LRP8: variants seen among roughly 807,000 people sequenced by gnomAD.
LRP8 encodes low-density lipoprotein receptor-related protein 8.
LRP8 carries 46 observed loss-of-function variants against 111.6 expected under a neutral mutation model. That is an observed-to-expected ratio of 0.41 (90% CI 0.33 to 0.53). The LOEUF (loss-of-function observed/expected upper bound fraction) is 0.53, where lower values mean the gene tolerates loss of function less well. Among genes scored for constraint, LRP8 ranks in the 20% least tolerant of loss-of-function variants. LRP8 has a pLI of 0.20. For missense variants in LRP8, 959 were observed against 1,297.4 expected, an observed-to-expected ratio of 0.74 and a Z score of 4.01; for synonymous variants, 464 against 511.2, an observed-to-expected ratio of 0.91 and a Z score of 1.24.
At chr1:53,272,867 T>C (rs1277450666) in intron 6 of LRP8, among the ~76,000 whole-genome samples, 1 of 152,198 alleles carries the variant, frequency 6.6e-6, no homozygotes, top group Non-Finnish European at 1.5e-5. Context: ...ACTGCCCCCA[T>C]CATGCATCCA....
intron 3 of LRP8, among the ~76,000 whole-genome samples, chr1:53,281,086 C>G (rs1647092077): frequency 1.3e-5 from 2 of 152,330 alleles, no homozygotes; most frequent in African/African-American, 2.4e-5. Context: ...CATTTCCCAG[C>G]TGTGTGCCCT....
In LRP8 at chr1:53,303,962, C is replaced by G. The variant is rs1475614147; in HGVS notation, c.245-14273G>C. 6.6e-6 allele frequency among the ~76,000 whole-genome samples: 1 copy of G among 152,128 alleles called. No homozygotes were observed. ...TTTTTCACCCCTCCTTGTTCTTTGG[C>G]TCGGTCAGAAAGACTCCCAGGGAAG... On this transcript the variant is annotated intron_variant, in intron 2 of 18. Transcript: ENST00000306052. The surrounding 1 kb of genome is among the most constrained non-coding windows in gnomAD (Gnocchi z 4.3).
At position 53,326,864 on chromosome 1, in the gene LRP8, G is replaced by A. The variant is rs368936646; in HGVS notation, c.244+9C>T. The stretch of plus-strand genomic sequence containing the variant: ...TCCCCGGGTCTGAGCTCCCTGGCCC[G>A]CCACTCACGGCAGTCGTCCTCGTCG... On this transcript the variant is annotated intron_variant, in intron 2 of 18. Transcript: ENST00000306052. The A allele has an allele frequency of 6.2e-7, 1 of 1,611,050 alleles. No homozygotes were observed. Among genetic ancestry groups the A allele is most frequent in the Non-Finnish European group, 8.5e-7 (1 of 1,178,906 alleles).
At chr1:53,257,730 A>G (rs1646156050) in intron 14 of LRP8, among the ~76,000 whole-genome samples, 1 of 152,236 alleles carries the variant, frequency 6.6e-6, no homozygotes, top group Non-Finnish European at 1.5e-5. Flanking sequence ...GGGAGGGGAA[A>G]TCAGATAAAT....
At position 53,293,400 on chromosome 1, in the gene LRP8, G is replaced by A. The variant is rs958825; in HGVS notation, c.245-3711C>T. Among the ~76,000 whole-genome samples, 48,046 of 152,208 alleles carry A rather than the reference G, an allele frequency of 0.32. 9,221 individuals are homozygous for A. The highest frequency in any genetic ancestry group is 0.58 in the East Asian group (3,002 of 5,180). On this transcript the variant is annotated intron_variant, in intron 2 of 18. Transcript: ENST00000306052. The surrounding 1 kb of genome is among the most constrained non-coding windows in gnomAD (Gnocchi z 4.9). ...GACCAGCTTGGAGATTTTCCACTCT[G>A]GCTCTGGCCTGGCACCTTTCACCCA...
In LRP8 at chr1:53,279,446, A is replaced by G. The variant is rs570616730; in HGVS notation, c.496+1141T>C. On this transcript the variant is annotated intron_variant, in intron 4 of 18. Transcript: ENST00000306052. The surrounding 1 kb of genome is among the most constrained non-coding windows in gnomAD (Gnocchi z 4.4). ...TTGGTAAAGAGGAAAGAGGATTCTCATTGGCCAGTGAGTCCCAGCAAAATT... is the reference window on the plus strand; with the variant it reads ...TTGGTAAAGAGGAAAGAGGATTCTCGTTGGCCAGTGAGTCCCAGCAAAATT... Among the ~76,000 whole-genome samples, 48 of 152,172 alleles carry G rather than the reference A, an allele frequency of 3.2e-4. No individual in the cohort carries two copies. The highest frequency in any genetic ancestry group is 6.2e-4 in the Non-Finnish European group (42 of 68,018).
At chr1:53,247,304 A>T (rs780452397) in intron 18 of LRP8, among the ~76,000 whole-genome samples, 4 of 152,198 alleles carry the variant, frequency 2.6e-5, no homozygotes, top group Admixed American at 6.5e-5. Context: ...GTCTGTATGA[A>T]TCCAAAGCTG....
At position 53,262,899 on chromosome 1, in the gene LRP8, G is replaced by A. The variant is rs1646398735; in HGVS notation, c.1656-335C>T. Among the ~76,000 whole-genome samples, 1 of 152,144 alleles carries A rather than the reference G, an allele frequency of 6.6e-6. No individual in the cohort carries two copies. Among genetic ancestry groups the A allele is most frequent in the Admixed American group, 6.5e-5 (1 of 15,276 alleles). On this transcript the variant is annotated intron_variant, in intron 10 of 18. Transcript: ENST00000306052. The surrounding 1 kb of genome is among the most constrained non-coding windows in gnomAD (Gnocchi z 4.8). ...GGCCCTAGTAAGCCCTCTCTTTTCT[G>A]GTTTCAGAGGAGAAAGTGGATGAGC...
Position 53,294,442 on chromosome 1 carries a change from G to A in LRP8, c.245-4753C>T, listed in dbSNP as rs1164469953. ...GACAGTCCATGGTCTATCAAACTGC[G>A]CCCTGCCACTTGTAGGCTATGTGAC... On this transcript the variant is annotated intron_variant, in intron 2 of 18. Coordinates refer to ENST00000306052, the MANE Select transcript of LRP8 (RefSeq NM_004631.5). The surrounding 1 kb of genome is among the most constrained non-coding windows in gnomAD (Gnocchi z 4.1). Among the ~76,000 whole-genome samples the A allele has an allele frequency of 1.3e-5, 2 of 152,200 alleles. No individual in the cohort carries two copies. The highest frequency in any genetic ancestry group is 6.5e-5 in the Admixed American group (1 of 15,282).
Position 53,244,951 on chromosome 1 carries a change from C to T in LRP8, c.*2067G>A, listed in dbSNP as rs1398177961. On this transcript the variant is annotated 3_prime_UTR_variant, in exon 19 of 19. Transcript: ENST00000306052. ...TCTTAAAATTCTGTTTGGTATTGGTCATTCTAGGTCAACTGCATTTACCCT... is the reference window on the plus strand; with the variant it reads ...TCTTAAAATTCTGTTTGGTATTGGTTATTCTAGGTCAACTGCATTTACCCT... The T allele has an allele frequency of 1.3e-5, 2 of 152,170 alleles. No individual in the cohort carries two copies. The highest frequency in any genetic ancestry group is 2.9e-5 in the Non-Finnish European group (2 of 68,030). 9.4% of individuals were successfully genotyped at this position (152,170 alleles called of 1,614,324 possible).
intron 2 of LRP8, among the ~76,000 whole-genome samples, chr1:53,316,597 C>T (rs796638633): frequency 2.6e-4 from 40 of 152,334 alleles, no homozygotes; most frequent in African/African-American, 9.4e-4. Flanking sequence ...GCACCCTGTA[C>T]CTGGGGCCTG....
intron 2 of LRP8, among the ~76,000 whole-genome samples, chr1:53,318,063 G>T (rs887508923): frequency 6.6e-6 from 1 of 152,232 alleles, no homozygotes; most frequent in Non-Finnish European, 1.5e-5. Context: ...GCTGGGGGCA[G>T]TGCAGGTGGA....
chr1:53,269,862 T>C (rs1023921060), intron 8 of LRP8, among the ~76,000 whole-genome samples: 3 of 152,136 alleles, frequency 2.0e-5, no homozygotes, highest in South Asian at 2.1e-4. Context: ...TGCTTACTGC[T>C]GAATCCCCAG....
At chr1:53,327,640 T>A in intron 1 of LRP8, 149 bp downstream of exon 1, 2 of 1,240,214 alleles carry the variant, frequency 1.6e-6, no homozygotes, top group Non-Finnish European at 2.0e-6. Context: ...CGAGGGCAAA[T>A]TCAGGAATAG....
At chr1:53,286,242 G>C (rs546374175) in intron 3 of LRP8, among the ~76,000 whole-genome samples, 111 of 152,274 alleles carry the variant, frequency 7.3e-4, no homozygotes, top group African/African-American at 2.5e-3. Flanking sequence ...GGTGCAGAAG[G>C]GGGAGTTACA....
chr1:53,252,947 T>G (rs930775116), intron 16 of LRP8, among the ~76,000 whole-genome samples: 4 of 152,194 alleles, frequency 2.6e-5, no homozygotes, highest in Admixed American at 6.5e-5. Context: ...GAAAATAAAC[T>G]GCTTAGACGC....
chr1:53,306,084 C>T (rs949757287), intron 2 of LRP8: 1 of 152,296 alleles, frequency 6.6e-6, no homozygotes, highest in Admixed American at 6.5e-5. Context: ...TTCTGATCCA[C>T]AGCCTCATCA....
At chr1:53,285,834 T>A (rs969397217) in intron 3 of LRP8, among the ~76,000 whole-genome samples, 9 of 152,134 alleles carry the variant, frequency 5.9e-5, no homozygotes, top group African/African-American at 2.2e-4. Flanking sequence ...TACCCTAGGT[T>A]CTGAGAGGCA....
chr1:53,290,373 A>G (rs183615669), intron 2 of LRP8, among the ~76,000 whole-genome samples: 96 of 152,198 alleles, frequency 6.3e-4, no homozygotes, highest in African/African-American at 2.0e-3. Context: ...TCTTATCTAT[A>G]TAATAGGGAG....
Sources: allele counts gnomAD v4.1 joint callset (sites outside exome capture counted in the v4.1 genomes callset), GRCh38; gene constraint gnomAD v4.1.1; non-coding constraint Gnocchi (gnomAD v3.1); transcripts MANE v1.5; gene names NCBI Gene and HGNC (gene_info 2026-07-23, HGNC 2026-07-21).